Variants in COL19A1 observed in about 807,000 individuals in gnomAD.
The protein encoded by COL19A1 is collagen type XIX alpha 1 chain, also known as collagen alpha-1(XIX) chain.
Under a neutral mutation model 190.2 loss-of-function variants are expected in COL19A1, and 159 were observed. The ratio of observed to expected loss-of-function variants is 0.84; its 90% CI spans 0.73 to 0.95. COL19A1 has a LOEUF of 0.95. Among genes scored for constraint, COL19A1 ranks in the 40% least tolerant of loss-of-function variants. The pLI is 0.00. For missense variants in COL19A1, 1,418 were observed against 1,431.9 expected (o/e 0.99, Z 0.16); for synonymous variants, 509 against 458.9 (o/e 1.11, Z -1.39).
At chr6:70,049,679 A>G (rs1342516899) in intron 14 of COL19A1, among the ~76,000 whole-genome samples, 2 of 152,024 alleles carry the variant, frequency 1.3e-5, no homozygotes, top group Non-Finnish European at 2.9e-5. Flanking sequence ...TAAAAGTGCT[A>G]TGCATTGACA....
chr6:69,976,807 A>C (rs1775737559), intron 11 of COL19A1, among the ~76,000 whole-genome samples: 2 of 152,202 alleles, frequency 1.3e-5, no homozygotes, highest in Non-Finnish European at 2.9e-5. Flanking sequence ...TTCAGGCAAA[A>C]CACTCAAGGG....
intron 4 of COL19A1, among the ~76,000 whole-genome samples, chr6:69,904,306 A>T (rs1220632164): frequency 6.6e-6 from 1 of 152,196 alleles, no homozygotes; most frequent in Non-Finnish European, 1.5e-5. Context: ...CAAACAGTCC[A>T]TATTGCTGCC....
At chr6:70,154,763 A>C (rs1052788044) in intron 31 of COL19A1, among the ~76,000 whole-genome samples, 1 of 152,174 alleles carries the variant, frequency 6.6e-6, no homozygotes, top group African/African-American at 2.4e-5. Context: ...CTGGCAAACC[A>C]CTAGTGTAAG....
chr6:70,085,743 G>A (rs569112672), intron 15 of COL19A1, among the ~76,000 whole-genome samples: 4 of 92,390 alleles, frequency 4.3e-5, no homozygotes, highest in Admixed American at 1.0e-4. Flanking sequence ...TCTTGAAAAC[G>A]TATACTCTTA....
chr6:69,998,925 CA>C (rs1228159818), intron 11 of COL19A1, among the ~76,000 whole-genome samples: 1 of 151,928 alleles, frequency 6.6e-6, no homozygotes, highest in Non-Finnish European at 1.5e-5. Context: ...AAAATGTTAA[CA>C]TGCATAACAT....
At chr6:69,957,073 G>A (rs1054174784) in intron 9 of COL19A1, among the ~76,000 whole-genome samples, 2 of 151,768 alleles carry the variant, frequency 1.3e-5, no homozygotes, top group Non-Finnish European at 2.9e-5. Flanking sequence ...ATTTATACTG[G>A]GTTTGCAAAC....
At chr6:70,059,859 C>T in intron 14 of COL19A1, 2 of 465,330 alleles carry the variant, frequency 4.3e-6, no homozygotes, top group Admixed American at 5.4e-5. Context: ...ATTTTTATAG[C>T]AGACTAAGTA....
At chr6:69,922,099 G>C (rs1582410730) in intron 4 of COL19A1, among the ~76,000 whole-genome samples, 3 of 151,934 alleles carry the variant, frequency 2.0e-5, no homozygotes, top group African/African-American at 7.3e-5. Context: ...GTTTGTGCTT[G>C]TGTGGTATAA....
chr6:70,140,902 G>A (rs1270606266), intron 19 of COL19A1, 52 bp from the exon 20 acceptor site: 2 of 1,581,218 alleles, frequency 1.3e-6, no homozygotes, highest in Admixed American at 1.7e-5. Flanking sequence ...CCCCGGTTTG[G>A]AGAGTTTATT....
chr6:70,145,298 A>G (rs1273279678), intron 25 of COL19A1, among the ~76,000 whole-genome samples: 4 of 152,150 alleles, frequency 2.6e-5, no homozygotes, highest in Non-Finnish European at 5.9e-5. Context: ...ACAATAGACT[A>G]GATAAAGAAA....
chr6:70,040,249 A>G (rs967668584), intron 14 of COL19A1, among the ~76,000 whole-genome samples: 4 of 152,124 alleles, frequency 2.6e-5, no homozygotes, highest in Admixed American at 1.3e-4. Flanking sequence ...TTGAGTCTGT[A>G]TATAATTGGG....
chr6:70,114,509 C>T (rs1188582050), intron 16 of COL19A1, among the ~76,000 whole-genome samples: 1 of 152,214 alleles, frequency 6.6e-6, no homozygotes, highest in Admixed American at 6.5e-5. Flanking sequence ...GCATGTACCT[C>T]ACACAGTTGT....
intron 9 of COL19A1, among the ~76,000 whole-genome samples, chr6:69,959,637 T>C (rs1211118830): frequency 1.3e-5 from 2 of 152,146 alleles, no homozygotes; most frequent in Non-Finnish European, 2.9e-5. Context: ...AAGCACGATG[T>C]CAGACTTCAA....
chr6:70,167,068 G>C (rs181249346), intron 37 of COL19A1, among the ~76,000 whole-genome samples: 1 of 152,290 alleles, frequency 6.6e-6, no homozygotes, highest in East Asian at 1.9e-4. Context: ...TGTCTCTCCA[G>C]GACGTAGCAC....
chr6:69,887,501 C>T (rs1293999935), intron 2 of COL19A1, among the ~76,000 whole-genome samples: 1 of 152,182 alleles, frequency 6.6e-6, no homozygotes, highest in African/African-American at 2.4e-5. Flanking sequence ...GTAACTACTA[C>T]TCAGACCTAA....
chr6:70,075,290 C>A (rs1781817737), intron 15 of COL19A1, among the ~76,000 whole-genome samples: 1 of 152,192 alleles, frequency 6.6e-6, no homozygotes. Context: ...AAATATGAAA[C>A]TCGGTGGATA....
chr6:69,921,490 A>G (rs1771899325), intron 4 of COL19A1, among the ~76,000 whole-genome samples: 1 of 105,016 alleles, frequency 9.5e-6, no homozygotes, highest in African/African-American at 4.7e-5. Flanking sequence ...ATATATATTC[A>G]TATATATTCA....
chr6:69,931,628 A>G (rs1202758847), intron 6 of COL19A1, among the ~76,000 whole-genome samples: 26 of 152,138 alleles, frequency 1.7e-4, no homozygotes, highest in Admixed American at 1.7e-3. Flanking sequence ...TCATTATACT[A>G]TGTAAGACGG....
At chr6:70,165,347 A>G (rs1242738295) in intron 36 of COL19A1, among the ~76,000 whole-genome samples, 1 of 152,190 alleles carries the variant, frequency 6.6e-6, no homozygotes, top group African/African-American at 2.4e-5. Flanking sequence ...TGTAGTGACT[A>G]TTTGCTTTAA....
Sources: allele counts gnomAD v4.1 joint callset (sites outside exome capture counted in the v4.1 genomes callset), GRCh38; gene constraint gnomAD v4.1.1; transcripts MANE v1.5; gene names NCBI Gene and HGNC (gene_info 2026-07-23, HGNC 2026-07-21).